Variants in MTDH observed in about 807,000 individuals in gnomAD.
MTDH encodes the protein metadherin.
A neutral mutation model predicts 72.7 loss-of-function variants in MTDH; 34 were observed. The observed-to-expected ratio is 0.47, with a 90% CI of 0.36 to 0.62. The LOEUF is 0.62. Ranked by LOEUF, MTDH falls within the 20% of genes least tolerant of loss-of-function variation. MTDH has a pLI of 0.00. For synonymous variants in MTDH, 266 were observed against 268.9 expected (o/e 0.99, Z 0.10); for missense variants, 677 against 699.4 (o/e 0.97, Z 0.36).
At chr8:97,689,617 T>C (rs1813502747) in intron 5 of MTDH, among the ~76,000 whole-genome samples, 1 of 152,098 alleles carries the variant, frequency 6.6e-6, no homozygotes, top group Admixed American at 6.6e-5. Flanking sequence ...AAAGATTGAA[T>C]TAAGTAGAGT....
intron 1 of MTDH, among the ~76,000 whole-genome samples, chr8:97,647,953 A>G (rs371774394): frequency 6.6e-6 from 1 of 151,392 alleles, no homozygotes; most frequent in African/African-American, 2.4e-5. Flanking sequence ...CCTAAAAGAA[A>G]AAAAAAAAAA....
At chr8:97,713,418 G>T (rs973211201) in intron 8 of MTDH, among the ~76,000 whole-genome samples, 3 of 152,246 alleles carry the variant, frequency 2.0e-5, no homozygotes, top group Non-Finnish European at 4.4e-5. Context: ...AGTTTACACA[G>T]CTCTCTACTT....
intron 8 of MTDH, among the ~76,000 whole-genome samples, chr8:97,711,941 C>T (rs773600765): frequency 6.6e-5 from 10 of 152,130 alleles, no homozygotes; most frequent in Non-Finnish European, 1.2e-4. Flanking sequence ...TCACAGCTGG[C>T]GTGTTTGCAT....
chr8:97,695,045 T>C (rs1813775761), intron 6 of MTDH, among the ~76,000 whole-genome samples: 1 of 152,032 alleles, frequency 6.6e-6, no homozygotes, highest in African/African-American at 2.4e-5. Context: ...TTGAATTTTA[T>C]GGAGTAATGT....
intron 7 of MTDH, 86 bp downstream of exon 7, chr8:97,699,938 A>G: frequency 1.2e-6 from 1 of 840,308 alleles, no homozygotes; most frequent in Non-Finnish European, 1.9e-6. Flanking sequence ...TTTAATTTTA[A>G]TTCTAATTTC....
intron 7 of MTDH, among the ~76,000 whole-genome samples, chr8:97,702,750 A>G (rs1405635351): frequency 6.6e-6 from 1 of 152,250 alleles, no homozygotes. Flanking sequence ...GGAGAGACAA[A>G]TTCTTTACCC....
chr8:97,657,197 T>C (rs1385454987), intron 1 of MTDH, among the ~76,000 whole-genome samples: 5 of 152,184 alleles, frequency 3.3e-5, no homozygotes, highest in Admixed American at 1.3e-4. Context: ...AAGAAAATTA[T>C]AACAAGAAGG....
intron 2 of MTDH, among the ~76,000 whole-genome samples, chr8:97,675,669 C>T (rs947004446): frequency 6.6e-6 from 1 of 151,772 alleles, no homozygotes; most frequent in Non-Finnish European, 1.5e-5. Flanking sequence ...CTCAAGAGTT[C>T]GAAACAAGCC....
At chr8:97,647,748 T>C (rs1221656615) in intron 1 of MTDH, among the ~76,000 whole-genome samples, 1 of 152,190 alleles carries the variant, frequency 6.6e-6, no homozygotes, top group East Asian at 1.9e-4. Context: ...CAAAGTGTTA[T>C]CCCTGGCTAC....
intron 6 of MTDH, among the ~76,000 whole-genome samples, chr8:97,698,154 G>A (rs1813948019): frequency 6.6e-6 from 1 of 152,184 alleles, no homozygotes. Context: ...CACGTGGGAG[G>A]ACGTGATTGT....
chr8:97,659,148 A>G (rs1167022703), intron 1 of MTDH, among the ~76,000 whole-genome samples: 1 of 152,142 alleles, frequency 6.6e-6, no homozygotes. Flanking sequence ...GTCTCAAAAA[A>G]AAAAAAAATG....
At position 97,644,674 on chromosome 8, in the gene MTDH, T is replaced by C; in HGVS notation, c.168T>C (p.Thr56=). The C allele has an allele frequency of 6.2e-7, 1 of 1,605,930 alleles. No homozygotes were observed. Among genetic ancestry groups the C allele is most frequent in the African/African-American group, 1.4e-5 (1 of 73,618 alleles). Residue 56 remains threonine (T), a synonymous_variant, in exon 1 of 12, where the codon ACT becomes ACC. Coordinates refer to ENST00000336273, the MANE Select transcript of MTDH (RefSeq NM_178812.4). ...RYPGWVILVG[T]GALGLLLLFL... is the part of the protein sequence containing the mutation. ...CCGGCTGGGTGATCCTGGTGGGCAC[T>C]GGCGCGCTCGGGCTGCTGCTGCTGT...
chr8:97,660,917 C>G (rs1376665115), intron 1 of MTDH, among the ~76,000 whole-genome samples, 155 bp from the exon 2 acceptor site: 1 of 137,164 alleles, frequency 7.3e-6, no homozygotes, highest in Non-Finnish European at 1.5e-5. Context: ...TAGGGATAAT[C>G]TATCAACTCT....
intron 2 of MTDH, among the ~76,000 whole-genome samples, chr8:97,674,758 T>C (rs1403879680): frequency 2.0e-5 from 3 of 151,844 alleles, no homozygotes; most frequent in Non-Finnish European, 2.9e-5. Context: ...GAAAACCTTA[T>C]ACACCAGTCA....
At chr8:97,718,960 T>A in intron 9 of MTDH, 89 bp from the exon 10 acceptor site, 1 of 1,215,444 alleles carries the variant, frequency 8.2e-7, no homozygotes, top group Non-Finnish European at 1.1e-6. Flanking sequence ...CCTCCCAGAG[T>A]GCTGGGATTA....
At chr8:97,691,226 T>C (rs370107758) in intron 6 of MTDH, 38 bp downstream of exon 6, 1 of 1,399,438 alleles carries the variant, frequency 7.1e-7, no homozygotes, top group African/African-American at 1.4e-5. Context: ...TATTTAAAAT[T>C]ACTAATCTTG....
intron 1 of MTDH, among the ~76,000 whole-genome samples, chr8:97,645,902 T>C (rs1261036726): frequency 6.6e-6 from 1 of 152,208 alleles, no homozygotes; most frequent in African/African-American, 2.4e-5. Context: ...TCTTCACCTT[T>C]TCAGTACAAT....
rs1333667515 is a variant in MTDH at position 97,728,467 on chromosome 8, ATCTT to A, written c.*3798_*3801del. On this transcript the variant is annotated 3_prime_UTR_variant, in exon 12 of 12. Transcript: ENST00000336273. ...ATGTTCTCTACAGAAAACTTCTTCT[ATCTT>A]ATGTCATTTTAGCAGTAGATGTAGC... is the stretch of plus-strand genomic sequence containing the variant. The A allele has an allele frequency of 1.3e-5, 2 of 152,180 alleles. No individual in the cohort carries two copies. The highest frequency in any genetic ancestry group is 2.9e-5 in the Non-Finnish European group (2 of 68,040). 9.4% of individuals were successfully genotyped at this position (152,180 alleles called of 1,614,324 possible).
At chr8:97,687,232 T>A (rs533755446) in intron 3 of MTDH, among the ~76,000 whole-genome samples, 197 bp from the exon 4 acceptor site, 1 of 152,166 alleles carries the variant, frequency 6.6e-6, no homozygotes, top group South Asian at 2.1e-4. Flanking sequence ...GAATAAATAA[T>A]AACAGTTGCC....
Sources: allele counts gnomAD v4.1 joint callset (sites outside exome capture counted in the v4.1 genomes callset), GRCh38; gene constraint gnomAD v4.1.1; transcripts MANE v1.5; gene names NCBI Gene and HGNC (gene_info 2026-07-23, HGNC 2026-07-21).